The following CD47 variants were observed in gnomAD, a reference collection of about 807,000 sequenced individuals.
CD47 encodes the protein leukocyte surface antigen CD47.
CD47 carries 11 observed loss-of-function variants against 44.6 expected under a neutral mutation model. The observed-to-expected ratio is 0.25, with a 90% CI of 0.16 to 0.41. The LOEUF (loss-of-function observed/expected upper bound fraction) is 0.41. CD47 is among the 10% of genes least tolerant of loss of function. CD47 has a pLI of 1.00. For missense variants in CD47, 306 were observed against 386.7 expected, an observed-to-expected ratio of 0.79 and a Z score of 1.75; for synonymous variants, 140 against 136.3, an observed-to-expected ratio of 1.03 and a Z score of -0.19.
At chr3:108,049,249 C>T (rs2078780523) in intron 10 of CD47, among the ~76,000 whole-genome samples, 1 of 152,084 alleles carries the variant, frequency 6.6e-6, no homozygotes, top group Non-Finnish European at 1.5e-5. Context: ...ATCACCAACA[C>T]AAGCATAAAA....
chr3:108,049,221 T>C (rs1014279780), intron 10 of CD47, among the ~76,000 whole-genome samples: 2 of 151,460 alleles, frequency 1.3e-5, no homozygotes, highest in Admixed American at 1.3e-4. Context: ...TAAGTCCCCA[T>C]GGGTTAAATG....
chr3:108,064,281 G>T (rs562875154), intron 3 of CD47, among the ~76,000 whole-genome samples: 1 of 152,172 alleles, frequency 6.6e-6, no homozygotes, highest in African/African-American at 2.4e-5. Flanking sequence ...GGGGAGGGGG[G>T]TGTGAGTGAT....
At chr3:108,047,756 C>T (rs1030314893) in intron 10 of CD47, among the ~76,000 whole-genome samples, 1 of 152,168 alleles carries the variant, frequency 6.6e-6, no homozygotes, top group Non-Finnish European at 1.5e-5. Context: ...AAGCAATAAG[C>T]AGTTGTCAGT....
intron 3 of CD47, among the ~76,000 whole-genome samples, chr3:108,069,862 T>G (rs2079167533): frequency 6.6e-6 from 1 of 152,126 alleles, no homozygotes; most frequent in African/African-American, 2.4e-5. Flanking sequence ...CCAGAATAGG[T>G]CTTAATGCTA....
intron 4 of CD47, 48 bp downstream of exon 4, chr3:108,060,697 T>G: frequency 8.3e-7 from 1 of 1,211,568 alleles, no homozygotes; most frequent in Non-Finnish European, 1.2e-6. Flanking sequence ...CACCTTGGAA[T>G]GCACTCATCT....
chr3:108,082,346 G>T (rs1218002078), intron 1 of CD47, among the ~76,000 whole-genome samples: 1 of 151,924 alleles, frequency 6.6e-6, no homozygotes, highest in Non-Finnish European at 1.5e-5. Flanking sequence ...ATCTTGTTCT[G>T]CAATTGATTT....
chr3:108,049,794 T>TGG, intron 9 of CD47, 143 bp from the exon 10 acceptor site: 1 of 667,838 alleles, frequency 1.5e-6, no homozygotes. Context: ...TTTCATTATG[T>TGG]AGCCTTTCTG....
At chr3:108,078,190 A>G (rs2079344999) in intron 2 of CD47, among the ~76,000 whole-genome samples, 1 of 152,138 alleles carries the variant, frequency 6.6e-6, no homozygotes, top group Non-Finnish European at 1.5e-5. Context: ...GCAAAGCCAA[A>G]TGTCTCAAAC....
chr3:108,078,863 G>A (rs1250490805), intron 2 of CD47, among the ~76,000 whole-genome samples: 2 of 151,992 alleles, frequency 1.3e-5, no homozygotes, highest in Non-Finnish European at 2.9e-5. Context: ...TTTGGTTTAT[G>A]CTCATTAGAC....
In CD47 at chr3:108,057,543, G is replaced by A. The variant is rs774426903; in HGVS notation, c.811C>T (p.Leu271=). 6.4e-7 allele frequency: 1 copy of A among 1,572,732 alleles called. No individual in the cohort carries two copies. The change falls in exon 7 of 11, where the codon CTG becomes TTG. Residue 271 remains leucine, a synonymous_variant. Transcript: ENST00000361309. ...GCTAAGATACTCAAACCTGAAATCA[G>A]AAGAGGGCCATGCATTGGTATACAC... ...AACIPMHGPL[L]ISGLSILALA...
intron 1 of CD47, among the ~76,000 whole-genome samples, chr3:108,089,260 C>A (rs1391464888): frequency 6.6e-6 from 1 of 151,932 alleles, no homozygotes; most frequent in Non-Finnish European, 1.5e-5. Flanking sequence ...ACTATAAATT[C>A]TGAATTCGAT....
In CD47 at chr3:108,079,916, C is replaced by T; in HGVS notation, c.400+75G>A. On this transcript the variant is annotated intron_variant, in intron 2 of 10. Transcript: ENST00000361309. ...TTTGATTCAAAGGAGTACCTATCCCCATTTGGCCTCCTCTCGAAAGAGGAT... is the reference window on the plus strand; with the variant it reads ...TTTGATTCAAAGGAGTACCTATCCCTATTTGGCCTCCTCTCGAAAGAGGAT... 7 of 853,326 alleles carry T rather than the reference C, an allele frequency of 8.2e-6. 1 individual carries two copies. The highest frequency in any genetic ancestry group is 1.3e-5 in the Non-Finnish European group (7 of 528,020). 52.9% of individuals were successfully genotyped at this position (853,326 alleles called of 1,614,324 possible).
At position 108,060,707 on chromosome 3, in the gene CD47, T is replaced by A. The variant is rs1168479354; in HGVS notation, c.598+38A>T. ...CTCCTCACCTTGGAATGCACTCATC[T>A]ACCTCCTGCGTTCCTGCCTAGGAAC... On this transcript the variant is annotated intron_variant, in intron 4 of 10. Transcript: ENST00000361309. 2 of 1,362,410 alleles carry A rather than the reference T, an allele frequency of 1.5e-6. 1 individual carries two copies. The highest frequency in any genetic ancestry group is 2.1e-6 in the Non-Finnish European group (2 of 951,292). The allele number at this position is 1,362,410 out of a possible 1,614,324, so 84.4% of individuals were successfully genotyped here.
At chr3:108,090,684 G>C (rs1269928604) in intron 1 of CD47, among the ~76,000 whole-genome samples, 179 bp downstream of exon 1, 2 of 152,100 alleles carry the variant, frequency 1.3e-5, no homozygotes, top group African/African-American at 2.4e-5. Context: ...GAGGAAGAAG[G>C]GGGGCGCCCG....
intron 1 of CD47, 127 bp from the exon 2 acceptor site, chr3:108,080,471 A>G (rs2079395725): frequency 1.7e-6 from 1 of 583,444 alleles, no homozygotes; most frequent in African/African-American, 1.9e-5. Context: ...CAGTATAGCA[A>G]TGAAGAAGAC....
intron 3 of CD47, among the ~76,000 whole-genome samples, chr3:108,064,137 T>C (rs2079064735): frequency 6.6e-6 from 1 of 152,220 alleles, no homozygotes; most frequent in South Asian, 2.1e-4. Flanking sequence ...GATTACTTTA[T>C]TTGACAATAA....
chr3:108,048,472 C>A (rs1342558462), intron 10 of CD47, among the ~76,000 whole-genome samples: 1 of 145,416 alleles, frequency 6.9e-6, no homozygotes. Context: ...GCAAGCTCTG[C>A]CTCCCGGGTT....
At position 108,051,841 on chromosome 3, in the gene CD47, G is replaced by C. The variant is rs367747214; in HGVS notation, c.909+98C>G. The C allele has an allele frequency of 4.4e-6, 4 of 905,856 alleles. No individual in the cohort carries two copies. In the Admixed American group the frequency reaches 6.9e-5, roughly 16 times the overall value. The allele number at this position is 905,856 out of a possible 1,614,324, so 56.1% of individuals were successfully genotyped here. Reference sequence around the variant, plus strand: ...GACTTCAACATTCTCTTAATTTGACGTGAGACAAAACAGATAGCAAAATAT... The same window carrying C: ...GACTTCAACATTCTCTTAATTTGACCTGAGACAAAACAGATAGCAAAATAT... On this transcript the variant is annotated intron_variant, in intron 8 of 10. Coordinates refer to ENST00000361309, the MANE Select transcript of CD47 (RefSeq NM_001777.4).
intron 2 of CD47, among the ~76,000 whole-genome samples, chr3:108,071,547 C>T (rs1178945736): frequency 6.6e-6 from 1 of 152,182 alleles, no homozygotes; most frequent in Non-Finnish European, 1.5e-5. Context: ...CGTGTCAACA[C>T]CTCTTTGTTC....
Sources: gnomAD v4.1 joint callset for allele counts (sites outside exome capture counted in the v4.1 genomes callset) on GRCh38, gnomAD v4.1.1 for gene constraint, MANE v1.5 for transcripts, NCBI Gene and HGNC (gene_info 2026-07-23, HGNC 2026-07-21) for gene names.